Variants in PKHD1 observed in about 807,000 individuals in gnomAD.
PKHD1 encodes the protein PKHD1 ciliary IPT domain containing fibrocystin/polyductin, also known as fibrocystin.
In PKHD1, 291 loss-of-function variants were observed where a neutral mutation model predicts 412.0. The observed-to-expected ratio is 0.71, with a 90% CI of 0.64 to 0.78. The LOEUF is 0.78. Ranked by LOEUF, PKHD1 falls within the 30% of genes least tolerant of loss-of-function variation. PKHD1 has a pLI of 0.00. For synonymous variants in PKHD1, 1,777 were observed against 1,821.5 expected (o/e 0.98, Z 0.62); for missense variants, 4,825 against 4,950.7 (o/e 0.97, Z 0.76).
chr6:51,753,692 G>A (rs1024011994), intron 56 of PKHD1, among the ~76,000 whole-genome samples: 10 of 152,188 alleles, frequency 6.6e-5, no homozygotes, highest in African/African-American at 1.7e-4. Flanking sequence ...ATAGGTCAGC[G>A]TGAGACTTCA....
chr6:51,748,211 T>C lies in PKHD1; in HGVS notation c.9405A>G (p.Glu3135=). The change falls in exon 58 of 67, where the codon GAA becomes GAG. Residue 3135 remains glutamate, a synonymous_variant. Transcript: ENST00000371117. ...SSLHGLHLYK[E]SGLDNCTRIS... is the part of the protein sequence containing the mutation. ...TTCTGGTACAGTTGTCAAGTCCACT[T>C]TCCTTATAGAGATGAAGGCCATGAA... 2 of 1,614,088 alleles carry C rather than the reference T, an allele frequency of 1.2e-6. No homozygotes were observed. The highest frequency in any genetic ancestry group is 1.6e-4 in the Middle Eastern group (1 of 6,062).
chr6:52,000,905 G>A (rs922769773), intron 35 of PKHD1, among the ~76,000 whole-genome samples: 1 of 152,110 alleles, frequency 6.6e-6, no homozygotes, highest in Non-Finnish European at 1.5e-5. Flanking sequence ...AACAAAAGAG[G>A]CACAATTAAC....
At chr6:51,883,976 C>T (rs1777801204) in intron 45 of PKHD1, among the ~76,000 whole-genome samples, 1 of 152,294 alleles carries the variant, frequency 6.6e-6, no homozygotes, top group African/African-American at 2.4e-5. Context: ...GCTGGCCTCT[C>T]AATCTTGGAC....
At chr6:51,635,607 A>G (rs1428343571) in intron 64 of PKHD1, among the ~76,000 whole-genome samples, 4 of 152,070 alleles carry the variant, frequency 2.6e-5, no homozygotes. Context: ...CATAGATACT[A>G]TAAAGCCAGG....
At chr6:51,691,651 T>C (rs1349111770) in intron 60 of PKHD1, among the ~76,000 whole-genome samples, 1 of 151,936 alleles carries the variant, frequency 6.6e-6, no homozygotes, top group Non-Finnish European at 1.5e-5. Context: ...ATTGGGGCCT[T>C]TTGATGGGTA....
chr6:51,993,563 T>C (rs971873386), intron 35 of PKHD1, among the ~76,000 whole-genome samples: 1 of 152,168 alleles, frequency 6.6e-6, no homozygotes, highest in East Asian at 1.9e-4. Flanking sequence ...TCCTAGTTAA[T>C]AGAGTAAGTT....
intron 35 of PKHD1, among the ~76,000 whole-genome samples, chr6:52,008,577 C>A (rs1388163888): frequency 6.6e-6 from 1 of 152,088 alleles, no homozygotes; most frequent in African/African-American, 2.4e-5. Flanking sequence ...TTAAATAAAT[C>A]TAAGAAGTGA....
At chr6:51,934,470 T>C in intron 36 of PKHD1, 148 bp from the exon 37 acceptor site, 1 of 687,202 alleles carries the variant, frequency 1.5e-6, no homozygotes, top group Non-Finnish European at 2.7e-6. Context: ...AGAAGCACAG[T>C]AGGGTAGACC....
intron 35 of PKHD1, among the ~76,000 whole-genome samples, chr6:51,990,058 C>T (rs1393630934): frequency 1.5e-5 from 2 of 130,678 alleles, no homozygotes; most frequent in Non-Finnish European, 3.4e-5. Context: ...TTATTTCCTC[C>T]CTTTTGAGCT....
At chr6:51,716,365 CA>C (rs1480089876) in intron 60 of PKHD1, among the ~76,000 whole-genome samples, 1 of 152,114 alleles carries the variant, frequency 6.6e-6, no homozygotes, top group Non-Finnish European at 1.5e-5. Flanking sequence ...GAAAATATTA[CA>C]AAAGCATTAT....
chr6:52,010,059 A>G (rs1458732933), intron 35 of PKHD1, among the ~76,000 whole-genome samples: 2 of 152,178 alleles, frequency 1.3e-5, no homozygotes, highest in East Asian at 3.9e-4. Context: ...CAAAATGCCA[A>G]GCAGATTATC....
intron 52 of PKHD1, among the ~76,000 whole-genome samples, chr6:51,827,299 A>AGGAAGG (rs1767471277): frequency 6.6e-6 from 1 of 152,168 alleles, no homozygotes. Context: ...CTGATACATT[A>AGGAAGG]CAAATCACAG....
chr6:51,629,070 A>G (rs780691806), intron 65 of PKHD1, among the ~76,000 whole-genome samples: 2 of 152,132 alleles, frequency 1.3e-5, no homozygotes, highest in Non-Finnish European at 2.9e-5. Flanking sequence ...CACTTAAGAT[A>G]GATTAAAGAT....
intron 4 of PKHD1, among the ~76,000 whole-genome samples, chr6:52,080,933 G>C (rs1277519119): frequency 6.6e-6 from 1 of 152,084 alleles, no homozygotes; most frequent in East Asian, 1.9e-4. Context: ...AATTACATTT[G>C]TGTTCACATT....
At chr6:51,719,417 C>T (rs1199266026) in intron 60 of PKHD1, among the ~76,000 whole-genome samples, 2 of 152,098 alleles carry the variant, frequency 1.3e-5, no homozygotes, top group African/African-American at 2.4e-5. Context: ...GGATGATTAT[C>T]GGTTGAAAGG....
At chr6:51,622,146 G>A (rs766920954) in intron 66 of PKHD1, among the ~76,000 whole-genome samples, 17 of 152,206 alleles carry the variant, frequency 1.1e-4, no homozygotes, top group Middle Eastern at 3.4e-3. Context: ...GGGTTCTTTC[G>A]GGTCCACCCA....
intron 50 of PKHD1, among the ~76,000 whole-genome samples, chr6:51,842,237 C>T (rs978501257): frequency 2.6e-5 from 4 of 152,124 alleles, no homozygotes; most frequent in East Asian, 1.9e-4. Context: ...TGTCCCAGCT[C>T]GGCTGCATCT....
chr6:52,001,591 G>A (rs927711636), intron 35 of PKHD1, among the ~76,000 whole-genome samples: 4 of 151,858 alleles, frequency 2.6e-5, no homozygotes, highest in African/African-American at 7.3e-5. Context: ...CACCACACCC[G>A]GCTAATTTTT....
chr6:51,749,139 G>C (rs1451078733), intron 57 of PKHD1, among the ~76,000 whole-genome samples: 1 of 152,162 alleles, frequency 6.6e-6, no homozygotes, highest in Non-Finnish European at 1.5e-5. Context: ...TTCTGAAGAA[G>C]AGTATGAGTG....
Sources: gnomAD v4.1 joint callset for allele counts (sites outside exome capture counted in the v4.1 genomes callset) on GRCh38, gnomAD v4.1.1 for gene constraint, MANE v1.5 for transcripts, NCBI Gene and HGNC (gene_info 2026-07-23, HGNC 2026-07-21) for gene names.